ARFGEF2: variants seen among roughly 807,000 people sequenced by gnomAD.
The protein encoded by ARFGEF2 is brefeldin A-inhibited guanine nucleotide-exchange protein 2.
A neutral mutation model predicts 219.9 loss-of-function variants in ARFGEF2; 74 were observed. The ratio of observed to expected loss-of-function variants is 0.34; its 90% CI spans 0.28 to 0.41. The LOEUF (loss-of-function observed/expected upper bound fraction) is 0.41, where lower values mean the gene tolerates loss of function less well. Among genes scored for constraint, ARFGEF2 ranks in the 10% least tolerant of loss-of-function variants. ARFGEF2 has a pLI of 1.00. For missense variants in ARFGEF2, 1,743 were observed against 2,218.3 expected (o/e 0.79, Z 4.30); for synonymous variants, 733 against 799.2 (o/e 0.92, Z 1.40).
intron 3 of ARFGEF2, among the ~76,000 whole-genome samples, chr20:48,949,367 G>C (rs1159583007): frequency 6.6e-6 from 1 of 152,172 alleles, no homozygotes; most frequent in East Asian, 1.9e-4. Flanking sequence ...GAGTCTGTTA[G>C]ATGTAAGAAC....
rs748153736 is a variant in ARFGEF2, at chr20:48,985,528, G to A, written c.2191G>A (p.Glu731Lys). The A allele has an allele frequency of 5.0e-5, 81 of 1,614,082 alleles. 2 individuals are homozygous for A. Among genetic ancestry groups the A allele is most frequent in the South Asian group, 4.2e-4 (38 of 91,088 alleles). The change falls in exon 16 of 39, where the codon GAA becomes AAA. Residue 731 changes from glutamate to lysine, a missense_variant. Transcript: ENST00000371917. ...TGTCTCAGCCCTGCGGACATTCCTA[G>A]AAGGTTTCCGCCTACCTGGAGAAGC... Reference protein sequence around the residue: ...EFVSALRTFLEGFRLPGEAQK... With the variant: ...EFVSALRTFLKGFRLPGEAQK...
chr20:48,992,043 G>T (rs1258987035), intron 21 of ARFGEF2, among the ~76,000 whole-genome samples: 1 of 152,106 alleles, frequency 6.6e-6, no homozygotes, highest in Non-Finnish European at 1.5e-5. Context: ...AGATGACCAG[G>T]TTTTTCAGCA....
rs757076455 is a variant in ARFGEF2, at chr20:49,013,569, A to G, written c.3924A>G (p.Leu1308=). 1.1e-5 allele frequency: 17 copies of G among 1,614,154 alleles called. No individual in the cohort carries two copies. Among genetic ancestry groups the G allele is most frequent in the Non-Finnish European group, 1.4e-5 (16 of 1,180,000 alleles). The change falls in exon 29 of 39, where the codon CTA becomes CTG. Residue 1308 remains leucine (L), a synonymous_variant. Transcript: ENST00000371917. ...GATGTGATTTTTCATCCTAGGTGCTACAAGAATACACAAGTGATGACATGA... is the reference window on the plus strand; with the variant it reads ...GATGTGATTTTTCATCCTAGGTGCTGCAAGAATACACAAGTGATGACATGA... The part of the protein sequence containing the change: ...GKYVSERPRV[L]QEYTSDDMNV...
chr20:48,928,359 C>T (rs1214884912), intron 1 of ARFGEF2, among the ~76,000 whole-genome samples: 6 of 145,990 alleles, frequency 4.1e-5, no homozygotes, highest in Admixed American at 2.1e-4. Context: ...CTACCACGCC[C>T]GGCTAATTTT....
intron 26 of ARFGEF2, among the ~76,000 whole-genome samples, chr20:49,009,080 CA>C (rs145837585): frequency 6.6e-6 from 1 of 152,118 alleles, no homozygotes; most frequent in East Asian, 1.9e-4. Flanking sequence ...TTTTAACAAT[CA>C]GGCAAAAAAA....
chr20:48,985,464 T>C lies in ARFGEF2; in HGVS notation c.2127T>C (p.Tyr709=). 2 of 1,614,240 alleles carry C rather than the reference T, an allele frequency of 1.2e-6. No homozygotes were observed. The highest frequency in any genetic ancestry group is 2.2e-5 in the South Asian group (2 of 91,088). Residue 709 remains tyrosine, a synonymous_variant, in exon 16 of 39, where the codon TAT becomes TAC. Coordinates refer to ENST00000371917, the MANE Select transcript of ARFGEF2 (RefSeq NM_006420.3). ...DSARFNKEVM[Y]AYVDQLDFCE... ...CAAGGTTCAACAAGGAGGTGATGTATGCCTACGTGGACCAACTTGACTTCT... is the reference window on the plus strand; with the variant it reads ...CAAGGTTCAACAAGGAGGTGATGTACGCCTACGTGGACCAACTTGACTTCT...
chr20:48,924,334 C>T (rs1409736893), intron 1 of ARFGEF2, among the ~76,000 whole-genome samples: 1 of 151,896 alleles, frequency 6.6e-6, no homozygotes, highest in Admixed American at 6.6e-5. Context: ...ACGGTGAAAC[C>T]CCGCCTCTAC....
At chr20:49,031,600 A>G (rs2091634954) in intron 37 of ARFGEF2, among the ~76,000 whole-genome samples, 1 of 152,126 alleles carries the variant, frequency 6.6e-6, no homozygotes, top group Admixed American at 6.6e-5. Context: ...TAGCACAGCC[A>G]GAGTGGGTGC....
At chr20:49,012,124 G>A (rs1399890537) in intron 28 of ARFGEF2, 40 bp downstream of exon 28, 2 of 1,613,688 alleles carry the variant, frequency 1.2e-6, no homozygotes, top group Non-Finnish European at 1.7e-6. Flanking sequence ...GCAGTGAAGG[G>A]AAAAGGTCAT....
intron 3 of ARFGEF2, among the ~76,000 whole-genome samples, chr20:48,945,872 A>G (rs535496234): frequency 6.6e-6 from 1 of 152,298 alleles, no homozygotes; most frequent in Non-Finnish European, 1.5e-5. Context: ...TCTTTAAAAA[A>G]AGGAAAAACA....
intron 34 of ARFGEF2, 119 bp downstream of exon 34, chr20:49,019,117 G>T: frequency 1.2e-6 from 1 of 819,116 alleles, no homozygotes; most frequent in Non-Finnish European, 2.0e-6. Context: ...CAGTCTGCCA[G>T]TTCTCTGTAG....
At chr20:49,004,065 A>G (rs2091441019) in intron 25 of ARFGEF2, among the ~76,000 whole-genome samples, 1 of 152,098 alleles carries the variant, frequency 6.6e-6, no homozygotes, top group Non-Finnish European at 1.5e-5. Flanking sequence ...TCATTTTTTC[A>G]AGATGAAAAG....
chr20:49,023,628 T>C (rs925866060), intron 35 of ARFGEF2, among the ~76,000 whole-genome samples: 7 of 150,194 alleles, frequency 4.7e-5, no homozygotes, highest in African/African-American at 7.3e-5. Context: ...AAGCTCCGCC[T>C]CCTGGGTTCA....
At position 48,973,225 on chromosome 20, in the gene ARFGEF2, G is replaced by T; in HGVS notation, c.1606G>T (p.Asp536Tyr). The T allele has an allele frequency of 6.2e-7, 1 of 1,614,180 alleles. No individual in the cohort carries two copies. The highest frequency in any genetic ancestry group is 1.1e-5 in the South Asian group (1 of 91,080). ...TAACATTTTTGAGCGCCTTGTAAAT[G>T]ATTTATCCAAAATTGCTCAGGGAAG... is the stretch of plus-strand genomic sequence containing the variant. ...AANIFERLVN[D>Y]LSKIAQGRSG... is the part of the protein sequence containing the mutation. Residue 536 changes from aspartate to tyrosine, a missense_variant, in exon 12 of 39, where the codon GAT becomes TAT. By Grantham distance (160) the Asp-to-Tyr change is radical. Around this residue, in one of 5 missense-constraint regions of ARFGEF2, gnomAD observed 666 missense variants for 955.4 expected, o/e 0.70. Coordinates refer to ENST00000371917, the MANE Select transcript of ARFGEF2 (RefSeq NM_006420.3).
intron 1 of ARFGEF2, among the ~76,000 whole-genome samples, chr20:48,937,011 C>T (rs1045418207): frequency 1.6e-4 from 25 of 152,174 alleles, no homozygotes; most frequent in African/African-American, 6.0e-4. Flanking sequence ...AAGAACCCAA[C>T]TTTTAGGTTG....
intron 6 of ARFGEF2, among the ~76,000 whole-genome samples, chr20:48,962,464 G>A (rs933105402): frequency 6.6e-5 from 10 of 152,198 alleles, no homozygotes; most frequent in Middle Eastern, 6.8e-3. Flanking sequence ...GTTATGTGGT[G>A]CATAACAGTA....
At chr20:49,025,612 G>T in intron 36 of ARFGEF2, 131 bp downstream of exon 36, 1 of 1,021,860 alleles carries the variant, frequency 9.8e-7, no homozygotes, top group Non-Finnish European at 1.5e-6. Context: ...GCTTGAGGGG[G>T]AGAGAAGGGA....
chr20:49,017,343 C>T lies in ARFGEF2; in HGVS notation c.4410C>T (p.Thr1470=). 6.2e-7 allele frequency: 1 copy of T among 1,614,024 alleles called. No homozygotes were observed. The highest frequency in any genetic ancestry group is 8.5e-7 in the Non-Finnish European group (1 of 1,179,982). Residue 1470 remains threonine (T), a synonymous_variant, in exon 32 of 39, where the codon ACC becomes ACT. Coordinates refer to ENST00000371917, the MANE Select transcript of ARFGEF2 (RefSeq NM_006420.3). ...TCAGTCCTGAAGTCTGGGATGAAAC[C>T]TGCAACTGTATGTTGGATATTTTCA... ...EKFSPEVWDE[T]CNCMLDIFKT... is the part of the protein sequence containing the mutation.
chr20:48,997,304 G>A (rs556641167), intron 23 of ARFGEF2, among the ~76,000 whole-genome samples: 3 of 146,696 alleles, frequency 2.0e-5, no homozygotes, highest in South Asian at 2.2e-4. Flanking sequence ...AGACAGTCTC[G>A]CTCTATCACC....
Sources: gnomAD v4.1 joint callset for allele counts (sites outside exome capture counted in the v4.1 genomes callset) on GRCh38, gnomAD v4.1.1 for gene constraint, gnomAD v4.1.1 regional missense constraint, MANE v1.5 for transcripts, NCBI Gene and HGNC (gene_info 2026-07-23, HGNC 2026-07-21) for gene names.